SNX4: variants seen among roughly 807,000 people sequenced by gnomAD.
SNX4 encodes sorting nexin-4.
In SNX4, 49 loss-of-function variants were observed where a neutral mutation model predicts 70.8. The ratio of observed to expected loss-of-function variants is 0.69; its 90% CI spans 0.55 to 0.88. SNX4 has a LOEUF of 0.88. Ranked by LOEUF, SNX4 falls within the 40% of genes least tolerant of loss-of-function variation. SNX4 has a pLI of 0.00. For synonymous variants in SNX4, 206 were observed against 183.8 expected, an observed-to-expected ratio of 1.12 and a Z score of -0.98; for missense variants, 528 against 544.8, an observed-to-expected ratio of 0.97 and a Z score of 0.31.
intron 8 of SNX4, among the ~76,000 whole-genome samples, chr3:125,469,907 T>C (rs1934123390): frequency 6.6e-6 from 1 of 152,194 alleles, no homozygotes; most frequent in South Asian, 2.1e-4. Flanking sequence ...TTTTAAATAC[T>C]CCATGTACGG....
At chr3:125,495,279 C>T (rs374513760) in intron 5 of SNX4, among the ~76,000 whole-genome samples, 520 of 18,764 alleles carry the variant, frequency 0.028, no homozygotes, top group Non-Finnish European at 0.066. Flanking sequence ...TATATATATA[C>T]ACATACACAC....
chr3:125,463,282 C>T (rs917247275), intron 9 of SNX4, among the ~76,000 whole-genome samples: 1 of 152,118 alleles, frequency 6.6e-6, no homozygotes, highest in Admixed American at 6.5e-5. Context: ...TCTTGAGAAT[C>T]ACTATTAAGA....
intron 7 of SNX4, among the ~76,000 whole-genome samples, chr3:125,477,278 A>G (rs74535167): frequency 6.6e-6 from 1 of 152,230 alleles, no homozygotes; most frequent in Non-Finnish European, 1.5e-5. Flanking sequence ...ATAGTTTTAT[A>G]TATAAATGCT....
chr3:125,448,777 A>G (rs1933496410), intron 13 of SNX4, among the ~76,000 whole-genome samples: 1 of 143,126 alleles, frequency 7.0e-6, no homozygotes, highest in Admixed American at 7.5e-5. Flanking sequence ...CCGGGTTCAC[A>G]CCATTCTACC....
intron 10 of SNX4, 32 bp downstream of exon 10, chr3:125,460,739 G>A (rs1933856612): frequency 3.6e-6 from 4 of 1,107,928 alleles, no homozygotes; most frequent in East Asian, 4.9e-5. Flanking sequence ...GAACAACCCT[G>A]TGGCTGCACC....
At chr3:125,462,421 C>T (rs1260758601) in intron 9 of SNX4, among the ~76,000 whole-genome samples, 1 of 151,662 alleles carries the variant, frequency 6.6e-6, no homozygotes, top group African/African-American at 2.4e-5. Context: ...AAGACCCTGT[C>T]TCTACAAAAA....
intron 1 of SNX4, among the ~76,000 whole-genome samples, chr3:125,509,133 GATC>G (rs1469152782): frequency 6.6e-6 from 1 of 151,860 alleles, no homozygotes; most frequent in Non-Finnish European, 1.5e-5. Flanking sequence ...AGGAGTTCAA[GATC>G]AGCCTGGCCC....
chr3:125,465,034 C>T (rs1015344854), intron 9 of SNX4, among the ~76,000 whole-genome samples: 5 of 151,822 alleles, frequency 3.3e-5, no homozygotes, highest in African/African-American at 9.7e-5. Context: ...CTTGAGCCAC[C>T]ATGCCGGGCC....
In SNX4 at chr3:125,504,625, T is replaced by C. The variant is rs898400061; in HGVS notation, c.261A>G (p.Thr87=). ...CAGGTGTAATTTCTGTTACCCACCT[T>C]GTTTCAATGAGGTAAGCAGTATATG... The part of the protein sequence containing the change: ...QETYTAYLIE[T]RSVEHTDGQS... The change falls in exon 2 of 14, where the codon ACA becomes ACG. Residue 87 remains threonine, a splice_region_variant and synonymous_variant. Transcript: ENST00000251775. 1 of 1,609,724 alleles carries C rather than the reference T, an allele frequency of 6.2e-7. No homozygotes were observed. Among genetic ancestry groups the C allele is most frequent in the Admixed American group, 1.7e-5 (1 of 59,410 alleles).
At chr3:125,511,196 G>C (rs889494807) in intron 1 of SNX4, among the ~76,000 whole-genome samples, 6 of 152,220 alleles carry the variant, frequency 3.9e-5, no homozygotes, top group Admixed American at 6.5e-5. Context: ...TTATAGGCAT[G>C]AGCCACCGTG....
At chr3:125,464,033 C>T (rs1193194659) in intron 9 of SNX4, among the ~76,000 whole-genome samples, 1 of 151,950 alleles carries the variant, frequency 6.6e-6, no homozygotes, top group Non-Finnish European at 1.5e-5. Flanking sequence ...CACAGTGAGA[C>T]CCTGTATCAA....
At chr3:125,510,235 T>C (rs1935140745) in intron 1 of SNX4, among the ~76,000 whole-genome samples, 1 of 140,964 alleles carries the variant, frequency 7.1e-6, no homozygotes. Context: ...GATGAATGGA[T>C]TTTTTTTTTT....
intron 8 of SNX4, among the ~76,000 whole-genome samples, chr3:125,473,202 T>C (rs1934217205): frequency 6.6e-6 from 1 of 152,158 alleles, no homozygotes; most frequent in African/African-American, 2.4e-5. Context: ...CTCCCCGCTC[T>C]GGCAGTTCCC....
intron 13 of SNX4, among the ~76,000 whole-genome samples, 165 bp downstream of exon 13, chr3:125,451,140 C>A (rs951211690): frequency 1.3e-5 from 2 of 151,650 alleles, no homozygotes; most frequent in African/African-American, 4.8e-5. Flanking sequence ...ATAAAAAAAC[C>A]AAAACAAAAT....
At position 125,447,856 on chromosome 3, in the gene SNX4, T is replaced by C. The variant is rs763181027; in HGVS notation, c.1306-30A>G. Reference sequence around the variant, plus strand: ...AAATAAAAATAAAAACTTTAAAATGTGAGTTTGGAAGGAATCTGAAAACCC... The same window carrying C: ...AAATAAAAATAAAAACTTTAAAATGCGAGTTTGGAAGGAATCTGAAAACCC... On this transcript the variant is annotated intron_variant, in intron 13 of 13. Transcript: ENST00000251775. 5.4e-6 allele frequency: 8 copies of C among 1,488,312 alleles called. No individual in the cohort carries two copies. In the Admixed American group the frequency reaches 1.5e-4, roughly 28 times the overall value. The allele number at this position is 1,488,312 out of a possible 1,614,324, so 92.2% of individuals were successfully genotyped here.
At chr3:125,462,865 TG>T (rs1933919000) in intron 9 of SNX4, among the ~76,000 whole-genome samples, 1 of 152,160 alleles carries the variant, frequency 6.6e-6, no homozygotes, top group Non-Finnish European at 1.5e-5. Context: ...GGTGAGCCGG[TG>T]GTGTCAGGTG....
intron 1 of SNX4, among the ~76,000 whole-genome samples, chr3:125,512,715 A>T (rs925650554): frequency 1.3e-5 from 2 of 152,092 alleles, no homozygotes; most frequent in Non-Finnish European, 2.9e-5. Context: ...GGCTGGTCTC[A>T]AACTCCCGGG....
intron 6 of SNX4, among the ~76,000 whole-genome samples, chr3:125,485,898 T>C (rs1290922249): frequency 1.3e-5 from 2 of 152,142 alleles, no homozygotes; most frequent in African/African-American, 2.4e-5. Flanking sequence ...TGGAGTGCAA[T>C]GGCGCGATCT....
At chr3:125,454,248 G>T (rs1439931328) in intron 11 of SNX4, among the ~76,000 whole-genome samples, 2 of 152,216 alleles carry the variant, frequency 1.3e-5, no homozygotes, top group African/African-American at 4.8e-5. Context: ...ACCAGTCCAT[G>T]GCCTGTTTGG....
Sources: gnomAD v4.1 joint callset for allele counts (sites outside exome capture counted in the v4.1 genomes callset) on GRCh38, gnomAD v4.1.1 for gene constraint, MANE v1.5 for transcripts, NCBI Gene and HGNC (gene_info 2026-07-23, HGNC 2026-07-21) for gene names.